ACSS3: variants seen among roughly 807,000 people sequenced by gnomAD.
The protein encoded by ACSS3 is acyl-CoA synthetase short-chain family member 3, mitochondrial.
A neutral mutation model predicts 84.2 loss-of-function variants in ACSS3; 64 were observed. The ratio of observed to expected loss-of-function variants is 0.76; its 90% CI spans 0.62 to 0.94. ACSS3 has a LOEUF of 0.94. Ranked by LOEUF, ACSS3 falls within the 40% of genes least tolerant of loss-of-function variation. The probability of loss-of-function intolerance (pLI) is 0.00; values close to 1 mark genes in which losing one functional copy is unlikely to be tolerated. For synonymous variants in ACSS3, 317 were observed against 310.1 expected (o/e 1.02, Z -0.23); for missense variants, 815 against 867.6 (o/e 0.94, Z 0.76).
chr12:81,240,839 C>T, intron 13 of ACSS3, among the ~76,000 whole-genome samples: 1 of 151,068 alleles, frequency 6.6e-6, no homozygotes, highest in South Asian at 2.1e-4. Flanking sequence ...CAAAATATTT[C>T]TTTTTTTTTA....
In ACSS3 at chr12:81,257,292, T is replaced by C. The variant is rs2136028772; in HGVS notation, c.*2370T>C. ...AGATCAAAGAATGTTGTTACTTTTATGTGATGAAAAAATAGGGCAAGAAAG... is the reference window on the plus strand; with the variant it reads ...AGATCAAAGAATGTTGTTACTTTTACGTGATGAAAAAATAGGGCAAGAAAG... On this transcript the variant is annotated 3_prime_UTR_variant, in exon 16 of 16. Transcript: ENST00000548058. The C allele has an allele frequency of 6.6e-6, 1 of 152,248 alleles. No individual in the cohort carries two copies. Among genetic ancestry groups the C allele is most frequent in the Non-Finnish European group, 1.5e-5 (1 of 68,026 alleles). 9.4% of individuals were successfully genotyped at this position (152,248 alleles called of 1,614,324 possible). A position where few individuals can be genotyped will look rare whatever the true frequency, so the allele number is the denominator to read the frequency against.
intron 7 of ACSS3, among the ~76,000 whole-genome samples, chr12:81,168,333 C>T (rs991876340): frequency 1.3e-5 from 2 of 152,074 alleles, no homozygotes; most frequent in Non-Finnish European, 2.9e-5. Context: ...TCATATACTT[C>T]GACAATTTTT....
chr12:81,205,943 T>G (rs2032328203), intron 9 of ACSS3, among the ~76,000 whole-genome samples: 1 of 152,118 alleles, frequency 6.6e-6, no homozygotes, highest in Non-Finnish European at 1.5e-5. Flanking sequence ...CAAAATACAT[T>G]CCTAGGCATA....
At chr12:81,191,541 A>C (rs2031571376) in intron 8 of ACSS3, among the ~76,000 whole-genome samples, 1 of 152,034 alleles carries the variant, frequency 6.6e-6, no homozygotes, top group South Asian at 2.1e-4. Flanking sequence ...TTTAAAAATC[A>C]AATAAAACTC....
At chr12:81,134,103 C>A (rs956030088) in intron 2 of ACSS3, among the ~76,000 whole-genome samples, 11 of 151,034 alleles carry the variant, frequency 7.3e-5, no homozygotes, top group Admixed American at 7.3e-4. Context: ...TATGTTGTAT[C>A]CAAATACAGA....
intron 1 of ACSS3, among the ~76,000 whole-genome samples, 173 bp downstream of exon 1, chr12:81,078,604 C>T (rs1314643092): frequency 6.6e-6 from 1 of 152,100 alleles, no homozygotes; most frequent in East Asian, 1.9e-4. Context: ...GTTCTCTTGC[C>T]TTCTGCTCTT....
chr12:81,084,630 G>A (rs1468506453), intron 1 of ACSS3, among the ~76,000 whole-genome samples: 30 of 151,552 alleles, frequency 2.0e-4, no homozygotes, highest in Admixed American at 1.9e-3. Flanking sequence ...GGGAAGAGAA[G>A]AGGAAAATAG....
intron 15 of ACSS3, among the ~76,000 whole-genome samples, chr12:81,254,129 C>T (rs7975234): frequency 0.49 from 74,224 of 151,716 alleles, 18,514 homozygotes; most frequent in Non-Finnish European, 0.54. Flanking sequence ...GTGTTCTCAC[C>T]ATGTTGCCCA....
At chr12:81,151,695 A>G (rs942556485) in intron 5 of ACSS3, 149 bp from the exon 6 acceptor site, 7 of 622,898 alleles carry the variant, frequency 1.1e-5, no homozygotes, top group East Asian at 2.9e-5. Flanking sequence ...AGAAATAATG[A>G]TTCAAAGATA....
intron 1 of ACSS3, among the ~76,000 whole-genome samples, chr12:81,088,625 T>A (rs1881474666): frequency 1.3e-5 from 2 of 152,034 alleles, no homozygotes; most frequent in South Asian, 4.1e-4. Context: ...GGTTTGGAAA[T>A]ACAGTTTCTT....
intron 8 of ACSS3, among the ~76,000 whole-genome samples, chr12:81,181,122 C>G (rs2030888404): frequency 6.6e-6 from 1 of 152,080 alleles, no homozygotes; most frequent in Non-Finnish European, 1.5e-5. Flanking sequence ...ATGTCAGAAC[C>G]AATATCAACA....
At chr12:81,186,247 A>G (rs953172984) in intron 8 of ACSS3, among the ~76,000 whole-genome samples, 2 of 151,878 alleles carry the variant, frequency 1.3e-5, no homozygotes, top group African/African-American at 4.8e-5. Flanking sequence ...ACCAGAAATA[A>G]TAAAACTTCT....
intron 7 of ACSS3, among the ~76,000 whole-genome samples, chr12:81,168,223 G>C (rs186692909): frequency 6.6e-6 from 1 of 152,278 alleles, no homozygotes; most frequent in East Asian, 1.9e-4. Context: ...ATGAAGGGAT[G>C]TTATGGTCTC....
intron 2 of ACSS3, among the ~76,000 whole-genome samples, chr12:81,133,768 C>T (rs969177620): frequency 2.0e-5 from 3 of 152,022 alleles, no homozygotes; most frequent in African/African-American, 7.2e-5. Flanking sequence ...ATTTTCTCTG[C>T]TAAAGTATAA....
intron 9 of ACSS3, among the ~76,000 whole-genome samples, chr12:81,210,970 A>G (rs2135926314): frequency 6.6e-6 from 1 of 152,120 alleles, no homozygotes; most frequent in South Asian, 2.1e-4. Context: ...AATTTAATTA[A>G]TTAATTTTCC....
intron 8 of ACSS3, among the ~76,000 whole-genome samples, chr12:81,195,221 A>T (rs762207434): frequency 6.6e-6 from 1 of 151,972 alleles, no homozygotes; most frequent in South Asian, 2.1e-4. Flanking sequence ...TCATCACAGG[A>T]GTTTTCTAAA....
At chr12:81,094,141 G>A (rs1321706058) in intron 1 of ACSS3, among the ~76,000 whole-genome samples, 3 of 145,180 alleles carry the variant, frequency 2.1e-5, no homozygotes, top group Admixed American at 6.8e-5. Context: ...GGCATTCCAA[G>A]GATATATTTT....
rs1307138595 is a variant in ACSS3, at chr12:81,107,503, A to AATATATATAT, written c.312-2050_312-2049insTATATATATA. ...AGAAATGTTTTTTTTTTCAGGTACA[A>AATATATATAT]ATATATACATATATATATATATATA... On this transcript the variant is annotated intron_variant, in intron 1 of 15. Coordinates refer to ENST00000548058, the MANE Select transcript of ACSS3 (RefSeq NM_024560.4). Among the ~76,000 whole-genome samples, 33 of 59,570 alleles carry AATATATATAT rather than the reference A, an allele frequency of 5.5e-4. 8 individuals are homozygous for AATATATATAT. The highest frequency in any genetic ancestry group is 8.9e-4 in the Non-Finnish European group (27 of 30,352). 39.1% of individuals were successfully genotyped at this position (59,570 alleles called of 152,430 possible).
intron 11 of ACSS3, among the ~76,000 whole-genome samples, chr12:81,227,173 G>T (rs2033300824): frequency 6.6e-6 from 1 of 151,826 alleles, no homozygotes; most frequent in South Asian, 2.1e-4. Context: ...TGGGAGGTCA[G>T]ACTTTCTTTT....
Sources: allele counts gnomAD v4.1 joint callset (sites outside exome capture counted in the v4.1 genomes callset), GRCh38; gene constraint gnomAD v4.1.1; transcripts MANE v1.5; gene names NCBI Gene and HGNC (gene_info 2026-07-23, HGNC 2026-07-21).